CLIC4: variants seen among roughly 807,000 people sequenced by gnomAD.
CLIC4 encodes CLIC family member 4, also known as chloride intracellular channel protein 4.
Under a neutral mutation model 24.6 loss-of-function variants are expected in CLIC4, and 13 were observed. The ratio of observed to expected loss-of-function variants is 0.53; its 90% CI spans 0.34 to 0.84. The LOEUF (loss-of-function observed/expected upper bound fraction) is 0.84. CLIC4 is among the 40% of genes least tolerant of loss of function. The pLI, the probability that CLIC4 is intolerant of heterozygous loss-of-function variation, is 0.01. For synonymous variants in CLIC4, 104 were observed against 111.3 expected (o/e 0.93, Z 0.41); for missense variants, 227 against 301.7 (o/e 0.75, Z 1.83).
In CLIC4 at chr1:24,817,202, G is replaced by T. The variant is rs144204400; in HGVS notation, c.308+2983G>T. 8.6e-3 allele frequency among the ~76,000 whole-genome samples: 1,311 copies of T among 152,164 alleles called. 11 individuals are homozygous for T. The highest frequency in any genetic ancestry group is 0.015 in the Non-Finnish European group (1,006 of 68,016). ...CAATTCTAGATAGATCATTGTTGAA[G>T]GTAGATCAGATTTTCTAGATAGATC... On this transcript the variant is annotated intron_variant, in intron 3 of 5. Transcript: ENST00000374379.
At chr1:24,801,632 A>C (rs10732912) in intron 2 of CLIC4, among the ~76,000 whole-genome samples, 148,514 of 152,316 alleles carry the variant, frequency 0.98, 72,486 homozygotes, top group East Asian at 1. Context: ...TGGCAGAATT[A>C]ATCTATGTTA....
chr1:24,822,050 C>A (rs1362997241), intron 3 of CLIC4, among the ~76,000 whole-genome samples: 1 of 152,152 alleles, frequency 6.6e-6, no homozygotes, highest in Non-Finnish European at 1.5e-5. Flanking sequence ...ATAATTTGTC[C>A]AAGGTTTCAC....
At chr1:24,776,516 A>T (rs1639143092) in intron 1 of CLIC4, among the ~76,000 whole-genome samples, 1 of 152,220 alleles carries the variant, frequency 6.6e-6, no homozygotes, top group Non-Finnish European at 1.5e-5. Flanking sequence ...TTATTTTTTT[A>T]AAAACAGAAA....
intron 2 of CLIC4, among the ~76,000 whole-genome samples, chr1:24,798,781 G>T (rs910168003): frequency 4.0e-5 from 6 of 150,908 alleles, no homozygotes; most frequent in South Asian, 2.1e-4. Context: ...TCAGCCTGCC[G>T]AGTGCCTGCG....
At chr1:24,772,379 A>G (rs1003139693) in intron 1 of CLIC4, among the ~76,000 whole-genome samples, 2 of 152,180 alleles carry the variant, frequency 1.3e-5, no homozygotes, top group African/African-American at 2.4e-5. Flanking sequence ...CTCTTCAGAT[A>G]TTTGAAGTTT....
intron 4 of CLIC4, among the ~76,000 whole-genome samples, chr1:24,837,978 C>T (rs1217081706): frequency 6.6e-6 from 1 of 152,176 alleles, no homozygotes; most frequent in Non-Finnish European, 1.5e-5. Flanking sequence ...ACACGTTGCT[C>T]CAGCTCAGTG....
At chr1:24,796,884 C>T (rs1368918696) in intron 1 of CLIC4, among the ~76,000 whole-genome samples, 1 of 152,054 alleles carries the variant, frequency 6.6e-6, no homozygotes, top group African/African-American at 2.4e-5. Flanking sequence ...TGGATCATCG[C>T]CATCATGCAT....
chr1:24,830,685 A>T (rs1639831387), intron 4 of CLIC4, among the ~76,000 whole-genome samples: 1 of 152,168 alleles, frequency 6.6e-6, no homozygotes, highest in Non-Finnish European at 1.5e-5. Flanking sequence ...CTCTTAGACA[A>T]GAAAGGGTGT....
At position 24,759,941 on chromosome 1, in the gene CLIC4, A is replaced by C. The variant is rs111628944; in HGVS notation, c.72+14316A>C. Among the ~76,000 whole-genome samples, 68 of 152,234 alleles carry C rather than the reference A, an allele frequency of 4.5e-4. 1 individual carries two copies. The highest frequency in any genetic ancestry group is 1.5e-3 in the African/African-American group (62 of 41,554). ...GTGTCACTGCCCTCCAGCCTGGGCC[A>C]CAGAGTGAGACCGTGTCTCAAAAAA... On this transcript the variant is annotated intron_variant, in intron 1 of 5. Transcript: ENST00000374379.
chr1:24,752,732 AT>A (rs552928840), intron 1 of CLIC4, among the ~76,000 whole-genome samples: 1 of 151,338 alleles, frequency 6.6e-6, no homozygotes, highest in Admixed American at 6.6e-5. Context: ...TATTATTATT[AT>A]TTTTTTTTGA....
intron 1 of CLIC4, among the ~76,000 whole-genome samples, chr1:24,751,661 TCCATCCAGCTTGG>T (rs1571226844): frequency 1.3e-5 from 2 of 152,198 alleles, no homozygotes; most frequent in East Asian, 3.9e-4. Flanking sequence ...ATGGGGTTTC[TCCATCCAGCTTGG>T]CCAACATGGC....
chr1:24,770,655 C>T (rs1188894119), intron 1 of CLIC4, among the ~76,000 whole-genome samples: 1 of 152,132 alleles, frequency 6.6e-6, no homozygotes, highest in African/African-American at 2.4e-5. Context: ...CTTATGCCTC[C>T]CTTTGAGGGG....
Position 24,843,742 on chromosome 1 carries a change from T to G in CLIC4, c.*2805T>G, listed in dbSNP as rs1639966136. 6.5e-6 allele frequency: 1 copy of G among 152,674 alleles called. No individual in the cohort carries two copies. The highest frequency in any genetic ancestry group is 6.5e-5 in the Admixed American group (1 of 15,290). The allele number at this position is 152,674 out of a possible 1,614,324, so 9.5% of individuals were successfully genotyped here. A position where few individuals can be genotyped will look rare whatever the true frequency, so the allele number is the denominator to read the frequency against. ...ATTAAGAGATTTCTGACATTTATTC[T>G]TACACTAAATGGATCAACTCTAGGA... On this transcript the variant is annotated 3_prime_UTR_variant, in exon 6 of 6. Transcript: ENST00000374379.
intron 1 of CLIC4, among the ~76,000 whole-genome samples, chr1:24,746,986 T>C (rs1276531158): frequency 2.0e-5 from 3 of 151,878 alleles, no homozygotes; most frequent in African/African-American, 7.3e-5. Flanking sequence ...AGACCCTGTC[T>C]CAAACAAAAG....
chr1:24,802,379 TTATA>T (rs956224275), intron 2 of CLIC4, among the ~76,000 whole-genome samples: 1 of 152,160 alleles, frequency 6.6e-6, no homozygotes. Context: ...TGTTAAGTGT[TTATA>T]TATATAAAAA....
intron 3 of CLIC4, among the ~76,000 whole-genome samples, chr1:24,817,106 A>ATTTC (rs1423313877): frequency 1.3e-5 from 2 of 152,214 alleles, no homozygotes. Context: ...GACATCTTTC[A>ATTTC]ATAGAAGGTT....
Position 24,798,497 on chromosome 1 carries a change from G to A in CLIC4, c.182+646G>A, listed in dbSNP as rs138363979. Among the ~76,000 whole-genome samples the A allele has an allele frequency of 2.6e-3, 398 of 152,256 alleles. 2 individuals carry two copies. Among genetic ancestry groups the A allele is most frequent in the Middle Eastern group, 0.024 (7 of 294 alleles). ...ATAGTGGAGAGGGCTGAGAAGAGCC[G>A]TGATGAGTAGAAAGCTCTGTTTTAT... is the stretch of plus-strand genomic sequence containing the variant. On this transcript the variant is annotated intron_variant, in intron 2 of 5. Transcript: ENST00000374379.
chr1:24,788,511 G>A (rs529825969), intron 1 of CLIC4, among the ~76,000 whole-genome samples: 20 of 152,256 alleles, frequency 1.3e-4, no homozygotes, highest in African/African-American at 3.9e-4. Context: ...GTAGAAGTCC[G>A]TTATAGTTGT....
chr1:24,785,082 C>CTTTT (rs71577732), intron 1 of CLIC4, among the ~76,000 whole-genome samples: 1 of 137,506 alleles, frequency 7.3e-6, no homozygotes, highest in Non-Finnish European at 1.6e-5. Context: ...TTATGTAGAC[C>CTTTT]TTTTTTTTTT....
Sources: gnomAD v4.1 joint callset for allele counts (sites outside exome capture counted in the v4.1 genomes callset) on GRCh38, gnomAD v4.1.1 for gene constraint, MANE v1.5 for transcripts, NCBI Gene and HGNC (gene_info 2026-07-23, HGNC 2026-07-21) for gene names.